SH3BP4: variants seen among roughly 807,000 people sequenced by gnomAD.
SH3BP4 encodes the protein SH3 domain-binding protein 4.
Under a neutral mutation model 65.5 loss-of-function variants are expected in SH3BP4, and 33 were observed. That is an observed-to-expected ratio of 0.50 (90% CI 0.38 to 0.67). The LOEUF is 0.67. SH3BP4 is among the 30% of genes least tolerant of loss of function. SH3BP4 has a pLI of 0.00. For missense variants in SH3BP4, 1,134 were observed against 1,261.4 expected (o/e 0.90, Z 1.53); for synonymous variants, 552 against 545.5 (o/e 1.01, Z -0.17).
chr2:235,051,490 G>T (rs1696052965), intron 4 of SH3BP4, among the ~76,000 whole-genome samples: 1 of 152,144 alleles, frequency 6.6e-6, no homozygotes, highest in Admixed American at 6.5e-5. Flanking sequence ...GTCCCAGCAG[G>T]GCTGTCTGTC....
In SH3BP4 at chr2:234,981,257, C is replaced by T. The variant is rs188492949; in HGVS notation, c.-206-14046C>T. Among the ~76,000 whole-genome samples the T allele has an allele frequency of 9.2e-5, 14 of 152,316 alleles. 1 individual carries two copies. Among genetic ancestry groups the T allele is most frequent in the East Asian group, 1.9e-4 (1 of 5,182 alleles). On this transcript the variant is annotated intron_variant, in intron 1 of 5. Coordinates refer to ENST00000392011, the MANE Select transcript of SH3BP4 (RefSeq NM_014521.3). ...GGTCATGGACTGGTGCCTGTGGACTCGGCCCCTGTTTATCGCTCTTGCTTG... is the reference window on the plus strand; with the variant it reads ...GGTCATGGACTGGTGCCTGTGGACTTGGCCCCTGTTTATCGCTCTTGCTTG...
chr2:235,028,009 C>T (rs1000287194), intron 2 of SH3BP4, among the ~76,000 whole-genome samples: 8 of 152,264 alleles, frequency 5.3e-5, no homozygotes, highest in African/African-American at 1.2e-4. Context: ...AGTTTGCCGC[C>T]GGAATCTGTC....
At position 234,984,452 on chromosome 2, in the gene SH3BP4, C is replaced by T. The variant is rs540956164; in HGVS notation, c.-206-10851C>T. 2.6e-5 allele frequency among the ~76,000 whole-genome samples: 4 copies of T among 152,038 alleles called. No homozygotes were observed. The East Asian group carries it at 7.7e-4, about 29-fold the overall frequency. On this transcript the variant is annotated intron_variant, in intron 1 of 5. Coordinates refer to ENST00000392011, the MANE Select transcript of SH3BP4 (RefSeq NM_014521.3). Reference sequence around the variant, plus strand: ...TCAAACTCCTGGGCTCAAGCAATCCCCCTGCTTTGGCTGTCCAAGGTGTAG... The same window carrying T: ...TCAAACTCCTGGGCTCAAGCAATCCTCCTGCTTTGGCTGTCCAAGGTGTAG...
rs904953454 is a variant in SH3BP4, at chr2:234,978,001, G to A, written c.-206-17302G>A. ...ACAGAGTTTGGCTCTTGTTGGCCAGGCTGGAGTGCAGTGGCGCCATCTCTG... is the reference window on the plus strand; with the variant it reads ...ACAGAGTTTGGCTCTTGTTGGCCAGACTGGAGTGCAGTGGCGCCATCTCTG... On this transcript the variant is annotated intron_variant, in intron 1 of 5. Coordinates refer to ENST00000392011, the MANE Select transcript of SH3BP4 (RefSeq NM_014521.3). This position sits in a 1 kb window ranked among gnomAD's most constrained non-coding sequence, Gnocchi z 4.1. Among the ~76,000 whole-genome samples the A allele has an allele frequency of 6.6e-6, 1 of 152,158 alleles. No homozygotes were observed. The highest frequency in any genetic ancestry group is 2.4e-5 in the African/African-American group (1 of 41,430).
At chr2:235,014,411 T>C (rs548948329) in intron 2 of SH3BP4, among the ~76,000 whole-genome samples, 11 of 152,308 alleles carry the variant, frequency 7.2e-5, no homozygotes, top group Admixed American at 3.3e-4. Context: ...CCACATGGCA[T>C]TGGGGGAAAT....
Position 234,973,169 on chromosome 2 carries a change from A to G in SH3BP4, c.-207+20999A>G, listed in dbSNP as rs185632908. On this transcript the variant is annotated intron_variant, in intron 1 of 5. Coordinates refer to ENST00000392011, the MANE Select transcript of SH3BP4 (RefSeq NM_014521.3). ...AGAGACATTCTTTTTAGATGGGGTC[A>G]TTTGTGTTCATATCTGCACCCTGCT... 2.1e-4 allele frequency among the ~76,000 whole-genome samples: 32 copies of G among 152,288 alleles called. No homozygotes were observed. In the Middle Eastern group the frequency reaches 0.01, roughly 49 times the overall value.
rs1574811089 is a variant in SH3BP4, at chr2:235,004,081, CCTGA to C, written c.-133+8712_-133+8715del. Among the ~76,000 whole-genome samples the C allele has an allele frequency of 2.0e-5, 3 of 152,326 alleles. No homozygotes were observed. In the East Asian group the frequency reaches 5.8e-4, roughly 29 times the overall value. On this transcript the variant is annotated intron_variant, in intron 2 of 5. Transcript: ENST00000392011. ...CCCTGTTGGTGGCGTTTTTCCTGTG[CCTGA>C]CTGACTAGGTACCCTCCTAACTCCT...
chr2:235,053,646 G>A lies in SH3BP4; in HGVS notation c.2722G>A (p.Asp908Asn). The A allele has an allele frequency of 1.9e-6, 3 of 1,614,162 alleles. No individual in the cohort carries two copies. Among genetic ancestry groups the A allele is most frequent in the Non-Finnish European group, 2.5e-6 (3 of 1,180,022 alleles). The change falls in exon 6 of 6, where the codon GAC becomes AAC. Residue 908 changes from aspartate (D) to asparagine (N), a missense_variant. Transcript: ENST00000392011. ...FLLTWSHQIGDSYRDVIQELH... is the reference protein window; with the variant it reads ...FLLTWSHQIGNSYRDVIQELH... ...ACTCACCTGGAGCCATCAGATCGGG[G>A]ACAGCTACCGGGATGTCATCCAGGA... is the stretch of plus-strand genomic sequence containing the variant.
chr2:234,957,739 G>A (rs921478068), intron 1 of SH3BP4, among the ~76,000 whole-genome samples: 7 of 151,974 alleles, frequency 4.6e-5, no homozygotes, highest in African/African-American at 7.2e-5. Context: ...GTATATCCAC[G>A]TTGAACACCA....
At chr2:235,027,447 G>A (rs1286010641) in intron 2 of SH3BP4, among the ~76,000 whole-genome samples, 5 of 152,114 alleles carry the variant, frequency 3.3e-5, no homozygotes, top group South Asian at 2.1e-4. Flanking sequence ...CTGCTGGGGC[G>A]GAATGTCTGT....
chr2:234,969,616 G>C (rs28473510), intron 1 of SH3BP4, among the ~76,000 whole-genome samples: 19,178 of 152,208 alleles, frequency 0.13, 2,093 homozygotes, highest in East Asian at 0.47. Flanking sequence ...CTTCGTGGTT[G>C]TACAGAATAA....
chr2:234,954,977 A>T (rs1360378252), intron 1 of SH3BP4, among the ~76,000 whole-genome samples: 3 of 152,186 alleles, frequency 2.0e-5, no homozygotes, highest in African/African-American at 7.2e-5. Flanking sequence ...TTGACCGAGT[A>T]GGAGCTGCTG....
intron 2 of SH3BP4, among the ~76,000 whole-genome samples, chr2:235,020,622 A>G (rs1694822876): frequency 6.6e-6 from 1 of 152,294 alleles, no homozygotes; most frequent in Admixed American, 6.5e-5. Flanking sequence ...AAAATATCAT[A>G]ATGTATTAAA....
In SH3BP4 at chr2:235,053,810, G is replaced by A; in HGVS notation, c.2886G>A (p.Val962=). The A allele has an allele frequency of 6.2e-7, 1 of 1,613,152 alleles. No homozygotes were observed. Among genetic ancestry groups the A allele is most frequent in the South Asian group, 1.1e-5 (1 of 91,060 alleles). ...GCCCTGCGGACCAGGACGACTTCGT[G>A]ATTTGAATGGGTCCCCTCCCCTCCT... ...AFSPADQDDF[V]I is the part of the protein sequence containing the mutation. Residue 962 remains valine, a synonymous_variant, in exon 6 of 6, where the codon GTG becomes GTA. Coordinates refer to ENST00000392011, the MANE Select transcript of SH3BP4 (RefSeq NM_014521.3).
rs551326284 is a variant in SH3BP4, at chr2:234,967,221, G to C, written c.-207+15051G>C. Reference sequence around the variant, plus strand: ...TGATACTGTTCTCCCCTACACGGGGGGCCAGGTCTCAATTCCAGGGTGAAC... The same window carrying C: ...TGATACTGTTCTCCCCTACACGGGGCGCCAGGTCTCAATTCCAGGGTGAAC... On this transcript the variant is annotated intron_variant, in intron 1 of 5. Coordinates refer to ENST00000392011, the MANE Select transcript of SH3BP4 (RefSeq NM_014521.3). This position sits in a 1 kb window ranked among gnomAD's most constrained non-coding sequence, Gnocchi z 4.6. Among the ~76,000 whole-genome samples, 9 of 152,286 alleles carry C rather than the reference G, an allele frequency of 5.9e-5. No individual in the cohort carries two copies. Among genetic ancestry groups the C allele is most frequent in the African/African-American group, 1.9e-4 (8 of 41,552 alleles).
chr2:235,052,124 CCTT>C lies in SH3BP4; in HGVS notation c.2479-434_2479-432del, dbSNP rs1181031514. Reference sequence around the variant, plus strand: ...TCCTAAGCCCCACTGGCTCAACCCTCCTTCTTTTCCTTGGCTTGTTGCCGCATC... The same window carrying C: ...TCCTAAGCCCCACTGGCTCAACCCTCCTTTTCCTTGGCTTGTTGCCGCATC... On this transcript the variant is annotated intron_variant, in intron 4 of 5. Coordinates refer to ENST00000392011, the MANE Select transcript of SH3BP4 (RefSeq NM_014521.3). This position sits in a 1 kb window ranked among gnomAD's most constrained non-coding sequence, Gnocchi z 5.0. Among the ~76,000 whole-genome samples the C allele has an allele frequency of 6.6e-6, 1 of 152,170 alleles. No homozygotes were observed. Among genetic ancestry groups the C allele is most frequent in the African/African-American group, 2.4e-5 (1 of 41,442 alleles).
intron 2 of SH3BP4, among the ~76,000 whole-genome samples, chr2:235,016,380 G>C (rs10180160): frequency 6.6e-6 from 1 of 152,156 alleles, no homozygotes; most frequent in South Asian, 2.1e-4. Context: ...GGTGTGCTGC[G>C]GTGTTGTACT....
chr2:235,011,511 T>C (rs563480619), intron 2 of SH3BP4, among the ~76,000 whole-genome samples: 1 of 152,314 alleles, frequency 6.6e-6, no homozygotes, highest in African/African-American at 2.4e-5. Flanking sequence ...CTTGAACACA[T>C]CTTTTGGGGT....
At chr2:235,037,356 C>T (rs1260356156) in intron 3 of SH3BP4, among the ~76,000 whole-genome samples, 1 of 152,106 alleles carries the variant, frequency 6.6e-6, no homozygotes, top group Admixed American at 6.5e-5. Context: ...GTCCACCTCC[C>T]TAGGGTTCTG....
Sources: allele counts gnomAD v4.1 joint callset (sites outside exome capture counted in the v4.1 genomes callset), GRCh38; gene constraint gnomAD v4.1.1; non-coding constraint Gnocchi (gnomAD v3.1); transcripts MANE v1.5; gene names NCBI Gene and HGNC (gene_info 2026-07-23, HGNC 2026-07-21).